OLAH: variants seen among roughly 807,000 people sequenced by gnomAD.
OLAH encodes S-acyl fatty acid synthase thioesterase, medium chain.
In OLAH, 33 loss-of-function variants were observed where a neutral mutation model predicts 27.8. The observed-to-expected ratio is 1.19, with a 90% CI of 0.90 to 1.59. OLAH has a LOEUF of 1.59. Among genes scored for constraint, OLAH ranks in the 40% most tolerant of loss-of-function variants. The pLI is 0.00. For missense variants in OLAH, 359 were observed against 310.8 expected, an observed-to-expected ratio of 1.16 and a Z score of -1.17; for synonymous variants, 120 against 102.9, an observed-to-expected ratio of 1.17 and a Z score of -1.01.
At chr10:15,044,764 T>G (rs1170674461) in intron 1 of OLAH, among the ~76,000 whole-genome samples, 1 of 152,202 alleles carries the variant, frequency 6.6e-6, no homozygotes, top group Non-Finnish European at 1.5e-5. Flanking sequence ...TATCATTCTA[T>G]TCTCTTCCAT....
rs1418335678 is a variant in OLAH at position 15,071,797 on chromosome 10, C to T, written c.575C>T (p.Ser192Phe). Residue 192 changes from serine (S) to phenylalanine (F), a missense_variant and splice_region_variant, in exon 7 of 8, where the codon TCT (serine) becomes TTT (phenylalanine). Physicochemically the swap from Ser to Phe is radical, Grantham distance 155. Coordinates refer to ENST00000378228, the MANE Select transcript of OLAH (RefSeq NM_001039702.3). ...ADLNIVRSCT[S>F]NVPSKAVLSC... ...AACCAGCTCTTTTATGTTTATAGCT[C>T]TAACGTACCATCTAAGGCTGTTCTT... 6.2e-7 allele frequency: 1 copy of T among 1,610,924 alleles called. No individual in the cohort carries two copies. Among genetic ancestry groups the T allele is most frequent in the Non-Finnish European group, 8.5e-7 (1 of 1,177,368 alleles).
At chr10:15,047,933 T>C (rs973831586) in intron 2 of OLAH, among the ~76,000 whole-genome samples, 3 of 152,168 alleles carry the variant, frequency 2.0e-5, no homozygotes, top group African/African-American at 4.8e-5. Flanking sequence ...CCTGAAAAGA[T>C]ATCAGTTGGT....
chr10:15,061,750 G>A lies in OLAH; in HGVS notation c.190G>A (p.Glu64Lys). 6.2e-7 allele frequency: 1 copy of A among 1,613,098 alleles called. No homozygotes were observed. Among genetic ancestry groups the A allele is most frequent in the East Asian group, 2.2e-5 (1 of 44,852 alleles). Residue 64 changes from glutamate to lysine, a missense_variant, in exon 4 of 8, where the codon GAA becomes AAA. Glu to Lys is a moderately conservative substitution (Grantham distance 56). Coordinates refer to ENST00000378228, the MANE Select transcript of OLAH (RefSeq NM_001039702.3). ...GCACTCCTTAAGGCTTCCTGGAAGA[G>A]AAAGCAGAGTTGAAGAACCTCTTGA... ...EVHSLRLPGR[E>K]SRVEEPLEND...
chr10:15,070,468 T>TTTG (rs1206850794), intron 6 of OLAH, among the ~76,000 whole-genome samples: 1 of 152,138 alleles, frequency 6.6e-6, no homozygotes, highest in Non-Finnish European at 1.5e-5. Flanking sequence ...AATAGCCTTT[T>TTTG]TTGTTGTTGT....
intron 3 of OLAH, among the ~76,000 whole-genome samples, chr10:15,059,256 G>A (rs1178459776): frequency 1.4e-5 from 2 of 142,676 alleles, no homozygotes; most frequent in Non-Finnish European, 3.0e-5. Context: ...GCACAATCAC[G>A]GCTCACTGTA....
chr10:15,065,739 T>C lies in OLAH; in HGVS notation c.558T>C (p.Ile186=). 1.3e-6 allele frequency: 2 copies of C among 1,591,716 alleles called. No homozygotes were observed. Among genetic ancestry groups the C allele is most frequent in the Non-Finnish European group, 1.7e-6 (2 of 1,173,716 alleles). The change falls in exon 6 of 8, where the codon ATT becomes ATC. Residue 186 remains isoleucine, a synonymous_variant. Coordinates refer to ENST00000378228, the MANE Select transcript of OLAH (RefSeq NM_001039702.3). ...CSPIIRADLN[I]VRSCTSNVPS... is the part of the protein sequence containing the mutation. ...CCATCATAAGGGCAGATCTGAACAT[T>C]GTTAGAAGTTGCACGTAAGTAACAG... is the stretch of plus-strand genomic sequence containing the variant.
At chr10:15,058,942 C>CTA in intron 3 of OLAH, among the ~76,000 whole-genome samples, 1 of 123,506 alleles carries the variant, frequency 8.1e-6, no homozygotes, top group African/African-American at 3.0e-5. Context: ...TTCCCTCTCT[C>CTA]CTTCCCTTCC....
upstream of OLAH, among the ~76,000 whole-genome samples, chr10:15,041,572 C>A (rs987866747): frequency 2.8e-5 from 4 of 142,200 alleles, no homozygotes; most frequent in African/African-American, 8.1e-5. Flanking sequence ...GCCACCATAC[C>A]CAGCCATTTT....
chr10:15,050,230 C>A (rs950197403), intron 3 of OLAH, among the ~76,000 whole-genome samples: 2 of 152,190 alleles, frequency 1.3e-5, no homozygotes, highest in Middle Eastern at 6.3e-3. Context: ...CCAGTCTGGG[C>A]AACACAGTGA....
intron 1 of OLAH, among the ~76,000 whole-genome samples, chr10:15,034,448 G>T (rs1041538057): frequency 2.0e-5 from 3 of 151,946 alleles, no homozygotes; most frequent in Non-Finnish European, 4.4e-5. Flanking sequence ...TACCCTTTTT[G>T]AACATTATTA....
chr10:15,059,485 C>G (rs912353612), intron 3 of OLAH, among the ~76,000 whole-genome samples: 2 of 151,960 alleles, frequency 1.3e-5, no homozygotes, highest in Admixed American at 1.3e-4. Flanking sequence ...CCGCACCTGG[C>G]AGGCTTGAAC....
At chr10:15,034,322 G>T (rs544743440) in intron 1 of OLAH, among the ~76,000 whole-genome samples, 1 of 151,944 alleles carries the variant, frequency 6.6e-6, no homozygotes, top group Non-Finnish European at 1.5e-5. Flanking sequence ...TAGTAGAGAC[G>T]GGGTTTCGCC....
chr10:15,066,702 G>A (rs1263635093), intron 6 of OLAH, among the ~76,000 whole-genome samples: 2 of 151,856 alleles, frequency 1.3e-5, no homozygotes, highest in East Asian at 3.9e-4. Flanking sequence ...GTGCAGTGGT[G>A]TGATCTTGGC....
chr10:15,072,615 T>C (rs531979955), intron 7 of OLAH, among the ~76,000 whole-genome samples: 50 of 152,190 alleles, frequency 3.3e-4, no homozygotes, highest in African/African-American at 1.1e-3. Flanking sequence ...GAGGGGCTTA[T>C]TACAAGCTTG....
chr10:15,053,444 G>A (rs1467324190), intron 3 of OLAH, among the ~76,000 whole-genome samples: 1 of 152,152 alleles, frequency 6.6e-6, no homozygotes. Flanking sequence ...AGAAAAACTA[G>A]TAAGGGAAAA....
At chr10:15,039,634 C>G (rs569331380), upstream of OLAH, among the ~76,000 whole-genome samples, 18 of 152,252 alleles carry the variant, frequency 1.2e-4, 1 homozygote, top group South Asian at 2.1e-4. Flanking sequence ...AACTAGCACC[C>G]TTTCTCCATG....
At chr10:15,044,041 A>G (rs2131335754) in intron 1 of OLAH, 55 bp downstream of exon 1, 1 of 152,304 alleles carries the variant, frequency 6.6e-6, no homozygotes, top group Admixed American at 6.5e-5. Context: ...ACCTTCTCAG[A>G]TATGTCTCAT....
chr10:15,059,663 G>A (rs913606447), intron 3 of OLAH, among the ~76,000 whole-genome samples: 2 of 152,122 alleles, frequency 1.3e-5, no homozygotes, highest in Non-Finnish European at 2.9e-5. Flanking sequence ...AAAATTACCC[G>A]GGTGTGGTGG....
chr10:15,039,976 G>A (rs750559826), upstream of OLAH, among the ~76,000 whole-genome samples: 6 of 152,194 alleles, frequency 3.9e-5, no homozygotes, highest in Non-Finnish European at 7.3e-5. Context: ...ACAAAAGCCT[G>A]TGCTTGGGTG....
Sources: allele counts gnomAD v4.1 joint callset (sites outside exome capture counted in the v4.1 genomes callset), GRCh38; gene constraint gnomAD v4.1.1; transcripts MANE v1.5; gene names NCBI Gene and HGNC (gene_info 2026-07-23, HGNC 2026-07-21).